CR1: variants seen among roughly 807,000 people sequenced by gnomAD.
The protein encoded by CR1 is complement receptor type 1.
CR1 carries 116 observed loss-of-function variants against 187.3 expected under a neutral mutation model. The ratio of observed to expected loss-of-function variants is 0.62; its 90% CI spans 0.53 to 0.72. The LOEUF (loss-of-function observed/expected upper bound fraction) is 0.72. Ranked by LOEUF, CR1 falls within the 30% of genes least tolerant of loss-of-function variation. CR1 has a pLI of 0.00. For synonymous variants in CR1, 576 were observed against 747.1 expected (o/e 0.77, Z 3.73); for missense variants, 1,731 against 2,110.7 (o/e 0.82, Z 3.52).
At chr1:207,578,632 G>A (rs1660842200) in intron 29 of CR1, among the ~76,000 whole-genome samples, 1 of 152,202 alleles carries the variant, frequency 6.6e-6, no homozygotes, top group South Asian at 2.1e-4. Flanking sequence ...ATCTTTCAGA[G>A]GTTAAATAAA....
intron 33 of CR1, among the ~76,000 whole-genome samples, chr1:207,586,530 G>A (rs1439788956): frequency 6.6e-6 from 1 of 152,184 alleles, no homozygotes; most frequent in Non-Finnish European, 1.5e-5. Flanking sequence ...CCACAAACTA[G>A]GTGGCTTAAA....
chr1:207,611,377 C>T (rs183215482), intron 37 of CR1, among the ~76,000 whole-genome samples: 3 of 152,176 alleles, frequency 2.0e-5, no homozygotes, highest in Non-Finnish European at 2.9e-5. Flanking sequence ...CCCGCACTCA[C>T]GACTCTGTGC....
chr1:207,516,833 ATAGTT>A (rs1659823437), intron 4 of CR1, among the ~76,000 whole-genome samples: 1 of 152,122 alleles, frequency 6.6e-6, no homozygotes, highest in Non-Finnish European at 1.5e-5. Flanking sequence ...TATAAATTGA[ATAGTT>A]TATCTGTAGA....
At chr1:207,582,083 G>A in intron 32 of CR1, 80 bp downstream of exon 32, 2 of 1,008,110 alleles carry the variant, frequency 2.0e-6, no homozygotes, top group Non-Finnish European at 3.0e-6. Context: ...ATTATCTATT[G>A]TTTGTCCCGC....
rs751435865 is a variant in CR1 at position 207,584,885 on chromosome 1, C to G, written c.5530+9C>G. ...ACTTTCTGTTCGTGCTGGTCAGTAT[C>G]CACTTCCACATATCCTAAATGGGTT... On this transcript the variant is annotated intron_variant, in intron 33 of 46. Transcript: ENST00000367049. 88 of 1,613,710 alleles carry G rather than the reference C, an allele frequency of 5.5e-5. No homozygotes were observed. The highest frequency in any genetic ancestry group is 5.3e-4 in the South Asian group (48 of 91,078).
chr1:207,611,533 G>A, intron 37 of CR1, 144 bp from the exon 38 acceptor site: 1 of 1,182,914 alleles, frequency 8.5e-7, no homozygotes, highest in African/African-American at 1.5e-5. Context: ...CCTTGTTAGT[G>A]AGATGTGGCT....
chr1:207,497,846 C>G (rs1659138596), intron 1 of CR1, among the ~76,000 whole-genome samples: 1 of 152,120 alleles, frequency 6.6e-6, no homozygotes, highest in African/African-American at 2.4e-5. Flanking sequence ...TGTGAAACAG[C>G]CTAAACTAAA....
Position 207,607,352 on chromosome 1 carries a change from T to A in CR1, c.5896+16T>A. The A allele has an allele frequency of 6.3e-7, 1 of 1,582,624 alleles. No individual in the cohort carries two copies. Among genetic ancestry groups the A allele is most frequent in the African/African-American group, 1.3e-5 (1 of 74,444 alleles). ...ATTTGTGAGAGTAAGTTGAAATACT[T>A]TTCTCCACAAATTCCTCTGTGTGAT... is the stretch of plus-strand genomic sequence containing the variant. On this transcript the variant is annotated intron_variant, in intron 36 of 46. Coordinates refer to ENST00000367049, the MANE Select transcript of CR1 (RefSeq NM_000651.6).
chr1:207,584,605 T>G, intron 32 of CR1, 44 bp from the exon 33 acceptor site: 1 of 1,598,624 alleles, frequency 6.3e-7, no homozygotes, highest in Non-Finnish European at 8.5e-7. Flanking sequence ...TGGATTATAC[T>G]TTAAAATTTT....
chr1:207,568,310 G>T (rs1371271905), intron 25 of CR1, among the ~76,000 whole-genome samples: 2 of 124,186 alleles, frequency 1.6e-5, no homozygotes, highest in African/African-American at 3.5e-5. Flanking sequence ...AGATGCCTGT[G>T]AATCTCCTTA....
chr1:207,625,166 GA>G (rs374537148), intron 45 of CR1, among the ~76,000 whole-genome samples: 210 of 152,188 alleles, frequency 1.4e-3, no homozygotes, highest in African/African-American at 4.5e-3. Flanking sequence ...TATTTCTTTG[GA>G]AATGATTGTC....
chr1:207,623,587 A>AC (rs1662384177), intron 45 of CR1, among the ~76,000 whole-genome samples: 5 of 144,130 alleles, frequency 3.5e-5, no homozygotes, highest in Non-Finnish European at 3.0e-5. Context: ...TACATCTCAA[A>AC]ACACACACAC....
chr1:207,595,880 AAAG>A (rs909839394), intron 35 of CR1, among the ~76,000 whole-genome samples: 7 of 151,720 alleles, frequency 4.6e-5, no homozygotes, highest in African/African-American at 1.4e-4. Context: ...TGTAATATGA[AAAG>A]AAGAAGAAAC....
intron 5 of CR1, 78 bp downstream of exon 5, chr1:207,524,087 G>A (rs573045625): frequency 2.9e-5 from 47 of 1,611,202 alleles, no homozygotes; most frequent in Non-Finnish European, 3.8e-5. Flanking sequence ...TATTTGTTCA[G>A]GGGGAGGGAT....
rs140981058 is a variant in CR1 at position 207,605,951 on chromosome 1, G to A, written c.5811-1300G>A. ...CCCTTTAGCTTTCTGTCACTGTTTC[G>A]GGAAGAGCTGGTATATCAGTTAGGA... On this transcript the variant is annotated intron_variant, in intron 35 of 46. Coordinates refer to ENST00000367049, the MANE Select transcript of CR1 (RefSeq NM_000651.6). 13 of 152,256 alleles carry A rather than the reference G, an allele frequency of 8.5e-5. No homozygotes were observed. The East Asian group carries it at 1.5e-3, about 18-fold the overall frequency. 9.4% of individuals were successfully genotyped at this position (152,256 alleles called of 1,614,324 possible).
chr1:207,637,485 A>C (rs989482949), intron 46 of CR1, among the ~76,000 whole-genome samples: 1 of 152,260 alleles, frequency 6.6e-6, no homozygotes, highest in African/African-American at 2.4e-5. Context: ...TTTGATAAGA[A>C]AAGTCTTGTA....
chr1:207,501,265 T>C (rs929382477), intron 1 of CR1, among the ~76,000 whole-genome samples: 1 of 152,246 alleles, frequency 6.6e-6, no homozygotes, highest in Non-Finnish European at 1.5e-5. Context: ...CAGAAGGGCA[T>C]GAGGGAACTC....
rs764482737 is a variant in CR1, at chr1:207,577,822, C to T, written c.4555C>T (p.Pro1519Ser). 9 of 1,613,858 alleles carry T rather than the reference C, an allele frequency of 5.6e-6. No homozygotes were observed. Among genetic ancestry groups the T allele is most frequent in the Non-Finnish European group, 6.8e-6 (8 of 1,179,854 alleles). ...TTTTCCAGGAATTCCTTGTGGGCTA[C>T]CCCCAACCATCGCCAATGGAGATTT... is the stretch of plus-strand genomic sequence containing the variant. ...PICQRIPCGLPPTIANGDFIS... is the reference protein window; with the variant it reads ...PICQRIPCGLSPTIANGDFIS... Residue 1519 changes from proline (P) to serine (S), a missense_variant, in exon 29 of 47, where the codon CCC (proline) becomes TCC (serine). By Grantham distance (74) the Pro-to-Ser change is moderately conservative. This residue lies in a region of CR1 where 1,312 missense variants were observed against 1,379.6 expected (regional missense o/e 0.95). Coordinates refer to ENST00000367049, the MANE Select transcript of CR1 (RefSeq NM_000651.6).
chr1:207,610,341 A>G (rs1367356996), intron 37 of CR1, among the ~76,000 whole-genome samples: 1 of 151,950 alleles, frequency 6.6e-6, no homozygotes, highest in African/African-American at 2.4e-5. Context: ...GTTTGTTTGT[A>G]TGTTTGTTTG....
Sources: allele counts gnomAD v4.1 joint callset (sites outside exome capture counted in the v4.1 genomes callset), GRCh38; gene constraint gnomAD v4.1.1; regional missense constraint gnomAD v4.1.1; transcripts MANE v1.5; gene names NCBI Gene and HGNC (gene_info 2026-07-23, HGNC 2026-07-21).